Variants in SETD2 observed in about 807,000 individuals in gnomAD.
SETD2 encodes histone-lysine N-methyltransferase SETD2.
A neutral mutation model predicts 242.1 loss-of-function variants in SETD2; 31 were observed. The observed-to-expected ratio is 0.13, with a 90% confidence interval of 0.10 to 0.17. SETD2 has a LOEUF of 0.17. Among genes scored for constraint, SETD2 ranks in the 10% least tolerant of loss-of-function variants. SETD2 has a pLI of 1.00. For synonymous variants in SETD2, 1,006 were observed against 1,066.5 expected, an observed-to-expected ratio of 0.94 and a Z score of 1.11; for missense variants, 2,481 against 3,046.3, an observed-to-expected ratio of 0.81 and a Z score of 4.37.
intron 12 of SETD2, among the ~76,000 whole-genome samples, chr3:47,070,915 G>T (rs2040791415): frequency 6.6e-6 from 1 of 152,088 alleles, no homozygotes; most frequent in African/African-American, 2.4e-5. Flanking sequence ...GTATATGTGT[G>T]TATAGCGATG....
rs1046871568 is a variant in SETD2, at chr3:47,155,488, T to C, written c.71+8366A>G. 3.9e-5 allele frequency among the ~76,000 whole-genome samples: 6 copies of C among 152,354 alleles called. No individual in the cohort carries two copies. In the South Asian group the frequency reaches 1.2e-3, roughly 32 times the overall value. On this transcript the variant is annotated intron_variant, in intron 1 of 20. Transcript: ENST00000409792. ...GAATTCACTGTGCTATTCTTGCAAC[T>C]TTCCTGAAAGTTTAAAATTTTTTCA...
In SETD2 at chr3:47,017,635, T is replaced by C; in HGVS notation, c.7533+3A>G. ...GGTGGGCTACCAAAAGCAAGGGGAG[T>C]ACCTTGCGAGCCAGATGTTTAAAGT... On this transcript the variant is annotated splice_donor_region_variant and intron_variant, in intron 20 of 20. Coordinates refer to ENST00000409792, the MANE Select transcript of SETD2 (RefSeq NM_014159.7). The surrounding 1 kb of genome is among the most constrained non-coding windows in gnomAD (Gnocchi z 4.8). The C allele has an allele frequency of 6.2e-7, 1 of 1,604,756 alleles. No individual in the cohort carries two copies. The highest frequency in any genetic ancestry group is 8.5e-7 in the Non-Finnish European group (1 of 1,171,854).
chr3:47,129,705 G>A (rs998528068), intron 1 of SETD2, among the ~76,000 whole-genome samples: 2 of 152,122 alleles, frequency 1.3e-5, no homozygotes, highest in African/African-American at 4.8e-5. Context: ...GCCCAACGTG[G>A]GGAAACCCCA....
At chr3:47,049,289 A>C (rs1045546075) in intron 15 of SETD2, among the ~76,000 whole-genome samples, 7 of 131,150 alleles carry the variant, frequency 5.3e-5, no homozygotes, top group Non-Finnish European at 9.8e-5. Flanking sequence ...AGTTTTTTAT[A>C]GAATAAGTTT....
intron 18 of SETD2, among the ~76,000 whole-genome samples, chr3:47,036,905 T>TAAAAAAAAAAAAAAAAAAAAAA (rs60186354): frequency 8.5e-6 from 1 of 117,906 alleles, no homozygotes; most frequent in South Asian, 2.7e-4. Context: ...CCGTCTCATT[T>TAAAAAAAAAAAAAAAAAAAAAA]AAAAAAAAAA....
At position 47,130,492 on chromosome 3, in the gene SETD2, G is replaced by A. The variant is rs182815171; in HGVS notation, c.72-3829C>T. Among the ~76,000 whole-genome samples, 280 of 152,280 alleles carry A rather than the reference G, an allele frequency of 1.8e-3. 2 individuals carry two copies. Among genetic ancestry groups the A allele is most frequent in the African/African-American group, 5.7e-3 (238 of 41,552 alleles). Reference sequence around the variant, plus strand: ...AGCAATAAGAAGGCAGGACCTTTTTGAAGAAATTAATACAATTGTGAGACC... The same window carrying A: ...AGCAATAAGAAGGCAGGACCTTTTTAAAGAAATTAATACAATTGTGAGACC... On this transcript the variant is annotated intron_variant, in intron 1 of 20. Coordinates refer to ENST00000409792, the MANE Select transcript of SETD2 (RefSeq NM_014159.7).
chr3:47,108,138 T>G (rs1025591622), intron 5 of SETD2, among the ~76,000 whole-genome samples: 1 of 151,878 alleles, frequency 6.6e-6, no homozygotes, highest in Non-Finnish European at 1.5e-5. Flanking sequence ...TTTTAAAAAA[T>G]GTTTTAAAAC....
At chr3:47,038,204 A>T (rs1377162221) in intron 17 of SETD2, among the ~76,000 whole-genome samples, 1 of 152,116 alleles carries the variant, frequency 6.6e-6, no homozygotes, top group African/African-American at 2.4e-5. Context: ...ATCATGTAAC[A>T]CCTCTCACAG....
chr3:47,102,429 C>T (rs554397286), intron 7 of SETD2, among the ~76,000 whole-genome samples: 1 of 152,326 alleles, frequency 6.6e-6, no homozygotes, highest in African/African-American at 2.4e-5. Context: ...CTCAAAAGTG[C>T]TATTTCAACA....
chr3:47,081,251 C>T (rs1280492279), intron 12 of SETD2, among the ~76,000 whole-genome samples: 6 of 152,158 alleles, frequency 3.9e-5, no homozygotes, highest in Non-Finnish European at 4.4e-5. Flanking sequence ...GAAGCAATCC[C>T]TTTCTGTTCT....
intron 13 of SETD2, 89 bp downstream of exon 13, chr3:47,066,981 A>G (rs2040584115): frequency 5.2e-6 from 5 of 964,428 alleles, no homozygotes; most frequent in East Asian, 2.5e-5. Context: ...TTTCAAAAAC[A>G]AAAACGCTTA....
At chr3:47,108,455 T>A (rs949334108) in intron 5 of SETD2, among the ~76,000 whole-genome samples, 1 of 152,198 alleles carries the variant, frequency 6.6e-6, no homozygotes, top group Non-Finnish European at 1.5e-5. Context: ...TCTATCCAAC[T>A]TCATAAAGCT....
intron 5 of SETD2, among the ~76,000 whole-genome samples, chr3:47,113,106 C>CTTTTTTT (rs67797383): frequency 6.7e-6 from 1 of 148,208 alleles, no homozygotes; most frequent in African/African-American, 2.5e-5. Flanking sequence ...CTCTTCTACT[C>CTTTTTTT]TTTTTTTTTT....
intron 12 of SETD2, among the ~76,000 whole-genome samples, chr3:47,073,784 C>T (rs909043246): frequency 2.0e-5 from 3 of 152,158 alleles, no homozygotes; most frequent in African/African-American, 7.2e-5. Context: ...ATCAAAACTG[C>T]AATATTCCAT....
intron 9 of SETD2, among the ~76,000 whole-genome samples, chr3:47,088,845 G>A (rs1409581684): frequency 6.6e-6 from 1 of 152,134 alleles, no homozygotes; most frequent in East Asian, 1.9e-4. Context: ...ATAAACTGTA[G>A]AGAAATTCTG....
chr3:47,059,000 AG>A (rs2040211611), intron 14 of SETD2, among the ~76,000 whole-genome samples: 1 of 151,002 alleles, frequency 6.6e-6, no homozygotes, highest in Admixed American at 6.6e-5. Context: ...TAGTAGAGAC[AG>A]GGTTTCACAG....
At chr3:47,045,214 C>T (rs531471066) in intron 16 of SETD2, among the ~76,000 whole-genome samples, 21 of 152,072 alleles carry the variant, frequency 1.4e-4, no homozygotes, top group African/African-American at 1.9e-4. Flanking sequence ...GGTGAAACCC[C>T]GTATCTAAAA....
At chr3:47,133,885 T>C (rs779609679) in intron 1 of SETD2, among the ~76,000 whole-genome samples, 3 of 152,282 alleles carry the variant, frequency 2.0e-5, no homozygotes, top group Middle Eastern at 3.4e-3. Context: ...GGGGTAACGA[T>C]ACTGTGAAGA....
At chr3:47,142,131 G>A (rs1391104313) in intron 1 of SETD2, among the ~76,000 whole-genome samples, 1 of 152,144 alleles carries the variant, frequency 6.6e-6, no homozygotes, top group Non-Finnish European at 1.5e-5. Context: ...TTGTAACAGT[G>A]ACTGAATAAC....
Sources: gnomAD v4.1 joint callset for allele counts (sites outside exome capture counted in the v4.1 genomes callset) on GRCh38, gnomAD v4.1.1 for gene constraint, Gnocchi (gnomAD v3.1) non-coding constraint, MANE v1.5 for transcripts, NCBI Gene and HGNC (gene_info 2026-07-23, HGNC 2026-07-21) for gene names.